PTPRU: variants seen among roughly 807,000 people sequenced by gnomAD.
PTPRU encodes the protein protein tyrosine phosphatase receptor type U.
PTPRU carries 69 observed loss-of-function variants against 166.3 expected under a neutral mutation model. The ratio of observed to expected loss-of-function variants is 0.41; its 90% CI spans 0.34 to 0.51. The LOEUF is 0.51. Ranked by LOEUF, PTPRU falls within the 20% of genes least tolerant of loss-of-function variation. PTPRU has a pLI of 0.09. For synonymous variants in PTPRU, 793 were observed against 814.0 expected (o/e 0.97, Z 0.44); for missense variants, 1,657 against 2,013.7 (o/e 0.82, Z 3.39).
intron 14 of PTPRU, among the ~76,000 whole-genome samples, chr1:29,286,613 G>A (rs1332066418): frequency 6.6e-6 from 1 of 151,990 alleles, no homozygotes; most frequent in Non-Finnish European, 1.5e-5. Context: ...AGTAGGGCTG[G>A]GGCTGGAGAG....
intron 17 of PTPRU, 90 bp from the exon 18 acceptor site, chr1:29,305,262 C>A: frequency 7.8e-7 from 1 of 1,290,120 alleles, no homozygotes; most frequent in Non-Finnish European, 1.1e-6. Flanking sequence ...CCTGCCTGTG[C>A]CCTATCCCCT....
chr1:29,268,804 T>C (rs1001237854), intron 7 of PTPRU, among the ~76,000 whole-genome samples: 10 of 152,184 alleles, frequency 6.6e-5, no homozygotes, highest in African/African-American at 2.4e-4. Flanking sequence ...CTCCCCTTAG[T>C]GTACAGATGG....
At position 29,317,992 on chromosome 1, in the gene PTPRU, C is replaced by G; in HGVS notation, c.3687+71C>G. The G allele has an allele frequency of 6.4e-7, 1 of 1,556,822 alleles. No individual in the cohort carries two copies. The highest frequency in any genetic ancestry group is 1.1e-5 in the South Asian group (1 of 88,482). On this transcript the variant is annotated intron_variant, in intron 25 of 29. Coordinates refer to ENST00000373779, the MANE Select transcript of PTPRU (RefSeq NM_133178.4). The surrounding 1 kb of genome is among the most constrained non-coding windows in gnomAD (Gnocchi z 5.6). ...AGCATCAGGGAAGGTCCAGGGGCCA[C>G]GGGAACAAAGCTGAAGGCTCTGTTG...
Position 29,311,291 on chromosome 1 carries a change from ACAGGCATG to A in PTPRU, c.2858-163_2858-156del. The A allele has an allele frequency of 1.5e-6, 1 of 655,104 alleles. No individual in the cohort carries two copies. Among genetic ancestry groups the A allele is most frequent in the South Asian group, 1.9e-5 (1 of 52,834 alleles). 40.6% of individuals were successfully genotyped at this position (655,104 alleles called of 1,614,324 possible). A position where few individuals can be genotyped will look rare whatever the true frequency, so the allele number is the denominator to read the frequency against. On this transcript the variant is annotated intron_variant, in intron 19 of 29. Transcript: ENST00000373779. This position sits in a 1 kb window ranked among gnomAD's most constrained non-coding sequence, Gnocchi z 4.1. Reference sequence around the variant, plus strand: ...TGATGCTACCCAACCTCAGGGCCCTACAGGCATGCGTCAGCTGCAAGCTGGGTGTTGTG... The same window carrying A: ...TGATGCTACCCAACCTCAGGGCCCTACGTCAGCTGCAAGCTGGGTGTTGTG...
chr1:29,296,726 T>A (rs2151959979), intron 15 of PTPRU, among the ~76,000 whole-genome samples: 1 of 151,742 alleles, frequency 6.6e-6, no homozygotes, highest in South Asian at 2.1e-4. Context: ...TTTGTCATGT[T>A]GTCCAGGTTG....
rs187857210 is a variant in PTPRU at position 29,292,520 on chromosome 1, A to G, written c.2476+494A>G. On this transcript the variant is annotated intron_variant, in intron 15 of 29. Transcript: ENST00000373779. ...CTAGTAGGGCCGATGTGAAGACTAAATGAGATAATGTGTGCAAAATCACTT... is the reference window on the plus strand; with the variant it reads ...CTAGTAGGGCCGATGTGAAGACTAAGTGAGATAATGTGTGCAAAATCACTT... Among the ~76,000 whole-genome samples, 109 of 152,332 alleles carry G rather than the reference A, an allele frequency of 7.2e-4. 1 individual carries two copies. In the East Asian group the frequency reaches 0.016, roughly 22 times the overall value.
At chr1:29,296,803 T>G (rs1397770479) in intron 15 of PTPRU, among the ~76,000 whole-genome samples, 1 of 152,014 alleles carries the variant, frequency 6.6e-6, no homozygotes, top group Non-Finnish European at 1.5e-5. Flanking sequence ...ATTACAGGTG[T>G]GAGCCACCGT....
intron 2 of PTPRU, 97 bp from the exon 3 acceptor site, chr1:29,258,408 C>T: frequency 7.3e-7 from 1 of 1,363,862 alleles, no homozygotes; most frequent in South Asian, 1.4e-5. Flanking sequence ...CCTGGTGGGT[C>T]CCGTTGCCTG....
intron 1 of PTPRU, among the ~76,000 whole-genome samples, chr1:29,247,339 C>T (rs1382890653): frequency 6.6e-6 from 1 of 152,256 alleles, no homozygotes; most frequent in East Asian, 1.9e-4. Context: ...CTGGCCAGTT[C>T]TGCCATGCTG....
At position 29,302,655 on chromosome 1, in the gene PTPRU, T is replaced by A. The variant is rs374799496; in HGVS notation, c.2477-1200T>A. On this transcript the variant is annotated intron_variant, in intron 15 of 29. Transcript: ENST00000373779. ...ACCTCTGCCTCCCAGGTTCAAGTGA[T>A]TCTCCTGCCTCAGCCTCCCAAGTAG... Among the ~76,000 whole-genome samples the A allele has an allele frequency of 3.9e-5, 6 of 152,264 alleles. No individual in the cohort carries two copies. The South Asian group carries it at 1.0e-3, about 26-fold the overall frequency.
chr1:29,278,072 G>A (rs1214454243), intron 8 of PTPRU, among the ~76,000 whole-genome samples: 2 of 151,888 alleles, frequency 1.3e-5, no homozygotes, highest in Non-Finnish European at 2.9e-5. Context: ...CGCCTGCCTC[G>A]GCCTCCCAAA....
intron 7 of PTPRU, among the ~76,000 whole-genome samples, chr1:29,268,059 C>G (rs1685382393): frequency 6.6e-6 from 1 of 152,244 alleles, no homozygotes; most frequent in Non-Finnish European, 1.5e-5. Flanking sequence ...AATGATGGAG[C>G]TGTCATTTCC....
intron 26 of PTPRU, chr1:29,323,068 T>C (rs1688234984): frequency 6.4e-6 from 2 of 313,208 alleles, no homozygotes; most frequent in Middle Eastern, 1.1e-3. Flanking sequence ...TGTAGGAGCG[T>C]GTGAACCGGT....
At chr1:29,305,507 G>T in intron 18 of PTPRU, 79 bp downstream of exon 18, 2 of 1,440,680 alleles carry the variant, frequency 1.4e-6, no homozygotes, top group South Asian at 2.3e-5. Flanking sequence ...GCAGAAACCT[G>T]TCGGGATAAA....
intron 16 of PTPRU, 105 bp downstream of exon 16, chr1:29,304,150 C>A (rs186128137): frequency 1.5e-6 from 2 of 1,305,636 alleles, no homozygotes; most frequent in African/African-American, 1.5e-5. Context: ...CCTGGTTGGA[C>A]GCCTGCTCTG....
At chr1:29,239,915 C>A (rs1210237812) in intron 1 of PTPRU, among the ~76,000 whole-genome samples, 4 of 152,174 alleles carry the variant, frequency 2.6e-5, no homozygotes, top group African/African-American at 9.7e-5. Flanking sequence ...TCCCCATTGC[C>A]TTCAGGGTGA....
At position 29,236,572 on chromosome 1, in the gene PTPRU, C is replaced by G; in HGVS notation, c.-73C>G. 8.8e-7 allele frequency: 1 copy of G among 1,134,652 alleles called. No individual in the cohort carries two copies. The highest frequency in any genetic ancestry group is 4.3e-5 in the South Asian group (1 of 23,048). 70.3% of individuals were successfully genotyped at this position (1,134,652 alleles called of 1,614,324 possible). On this transcript the variant is annotated 5_prime_UTR_variant, in exon 1 of 30. Coordinates refer to ENST00000373779, the MANE Select transcript of PTPRU (RefSeq NM_133178.4). This position sits in a 1 kb window ranked among gnomAD's most constrained non-coding sequence, Gnocchi z 4.6. Reference sequence around the variant, plus strand: ...CGCTCCGGCTCGGGCTCCGGCTCGCCTCGGGCTGGGCTCGGGCTCCGGGGG... The same window carrying G: ...CGCTCCGGCTCGGGCTCCGGCTCGCGTCGGGCTGGGCTCGGGCTCCGGGGG...
chr1:29,275,414 C>T (rs1359226118), intron 7 of PTPRU, 34 bp from the exon 8 acceptor site: 2 of 1,555,864 alleles, frequency 1.3e-6, no homozygotes, highest in Non-Finnish European at 1.8e-6. Context: ...CCCATTTCTT[C>T]TAACTTCTTC....
intron 14 of PTPRU, among the ~76,000 whole-genome samples, chr1:29,287,148 A>C (rs1257469211): frequency 1.3e-5 from 2 of 152,020 alleles, no homozygotes; most frequent in African/African-American, 2.4e-5. Context: ...TGGGTAATAG[A>C]GGCCAGCTGG....
Sources: allele counts gnomAD v4.1 joint callset (sites outside exome capture counted in the v4.1 genomes callset), GRCh38; gene constraint gnomAD v4.1.1; non-coding constraint Gnocchi (gnomAD v3.1); transcripts MANE v1.5; gene names NCBI Gene and HGNC (gene_info 2026-07-23, HGNC 2026-07-21).